The following KDM6B variants were observed in gnomAD, a reference collection of about 807,000 sequenced individuals.
The protein encoded by KDM6B is lysine demethylase 6B, also known as lysine-specific demethylase 6B.
Under a neutral mutation model 150.4 loss-of-function variants are expected in KDM6B, and 22 were observed. The observed-to-expected ratio is 0.15, with a 90% CI of 0.10 to 0.21. KDM6B has a LOEUF of 0.21. Ranked by LOEUF, KDM6B falls within the 10% of genes least tolerant of loss-of-function variation. The pLI is 1.00. For missense variants in KDM6B, 1,984 were observed against 2,234.3 expected (o/e 0.89, Z 2.26); for synonymous variants, 1,148 against 921.1 (o/e 1.25, Z -4.46).
chr17:7,850,240 CTG>C (rs2078664502), intron 14 of KDM6B, 63 bp downstream of exon 14: 1 of 1,323,742 alleles, frequency 7.6e-7, no homozygotes, highest in Admixed American at 1.9e-5. Flanking sequence ...GTAGGACCCT[CTG>C]AGAAATCCCA....
Position 7,849,536 on chromosome 17 carries a change from G to T in KDM6B, c.3248G>T (p.Gly1083Val), listed in dbSNP as rs138059466. The T allele has an allele frequency of 6.2e-7, 1 of 1,612,730 alleles. No homozygotes were observed. The highest frequency in any genetic ancestry group is 8.5e-7 in the Non-Finnish European group (1 of 1,179,972). ...KAREEAPGPP[G>V]VSRADMLKLR... is the part of the protein sequence containing the mutation. Reference sequence around the variant, plus strand: ...CGGGAGGAAGCCCCAGGGCCACCGGGTGTCAGCCGGGCCGACATGCTGAAG... The same window carrying T: ...CGGGAGGAAGCCCCAGGGCCACCGGTTGTCAGCCGGGCCGACATGCTGAAG... Residue 1083 changes from glycine (G) to valine (V), a missense_variant, in exon 12 of 24, where the codon GGT (glycine) becomes GTT (valine). Physicochemically the swap from Gly to Val is moderately radical, Grantham distance 109. Around this residue, in one of 13 missense-constraint regions of KDM6B, gnomAD observed 1,379 missense variants for 1,275.6 expected, o/e 1.08. Transcript: ENST00000448097.
chr17:7,845,890 G>A lies in KDM6B; in HGVS notation c.156G>A (p.Gly52=), dbSNP rs781704985. ...TCTCCAGATGCTCAGCCAGCATTGG[G>A]CAGCCCCCGCTTCCTGCTCCCCTAC... is the stretch of plus-strand genomic sequence containing the variant. ...LPGGRCSASI[G]QPPLPAPLPP... is the part of the protein sequence containing the mutation. Residue 52 remains glycine, a synonymous_variant, in exon 6 of 24, where the codon GGG becomes GGA. Transcript: ENST00000448097. 16 of 1,613,894 alleles carry A rather than the reference G, an allele frequency of 9.9e-6. No individual in the cohort carries two copies. The highest frequency in any genetic ancestry group is 1.3e-5 in the Non-Finnish European group (15 of 1,179,804).
Position 7,847,036 on chromosome 17 carries a change from C to T in KDM6B, c.909+20C>T. On this transcript the variant is annotated intron_variant, in intron 10 of 23. Coordinates refer to ENST00000448097, the MANE Select transcript of KDM6B (RefSeq NM_001348716.2). ...CGCCAGGTGAGCCCCTGCCTGTTGC[C>T]TTTCACCTCTCACCTACAAGTCCCA... The T allele has an allele frequency of 3.1e-6, 5 of 1,612,108 alleles. No homozygotes were observed. Among genetic ancestry groups the T allele is most frequent in the Non-Finnish European group, 3.4e-6 (4 of 1,178,518 alleles).
Position 7,847,818 on chromosome 17 carries a change from AC to A in KDM6B, c.1537del (p.Arg513AlafsTer69), listed in dbSNP as rs747555402. ...AAGAGCTCTTCTTTGGGACTGAGGGACCCCCCCGCCCTGCCCCACCACCCCT... is the reference window on the plus strand; with the variant it reads ...AAGAGCTCTTCTTTGGGACTGAGGGACCCCCCGCCCTGCCCCACCACCCCT... ...LEELFFGTEG[P>X]PRPAPPPLPH... On this transcript the variant is annotated frameshift_variant, in exon 12 of 24. Coordinates refer to ENST00000448097, the MANE Select transcript of KDM6B (RefSeq NM_001348716.2). LOFTEE classifies it high-confidence loss of function. 1.2e-5 allele frequency: 17 copies of A among 1,416,234 alleles called. No individual in the cohort carries two copies. The highest frequency in any genetic ancestry group is 1.5e-5 in the Non-Finnish European group (16 of 1,060,814). 87.7% of individuals were successfully genotyped at this position (1,416,234 alleles called of 1,614,324 possible). A position where few individuals can be genotyped will look rare whatever the true frequency, so the allele number is the denominator to read the frequency against.
At chr17:7,852,428 A>G in intron 20 of KDM6B, 67 bp from the exon 21 acceptor site, 2 of 1,289,486 alleles carry the variant, frequency 1.6e-6, no homozygotes, top group Non-Finnish European at 2.1e-6. Flanking sequence ...GCAGTGAGGG[A>G]AGGGGCTTGG....
Position 7,853,221 on chromosome 17 carries a change from T to C in KDM6B, c.4749T>C (p.Phe1583=). Reference sequence around the variant, plus strand: ...CCTCCCTGCCCCAGGTGGAGGTGTTTAACATCCTGTTCGTGACAAGTGAGA... The same window carrying C: ...CCTCCCTGCCCCAGGTGGAGGTGTTCAACATCCTGTTCGTGACAAGTGAGA... ...YYCNECDVEV[F]NILFVTSENG... Residue 1583 remains phenylalanine, a synonymous_variant, in exon 23 of 24, where the codon TTT becomes TTC. Transcript: ENST00000448097. 1.2e-6 allele frequency: 2 copies of C among 1,612,926 alleles called. No individual in the cohort carries two copies. Among genetic ancestry groups the C allele is most frequent in the African/African-American group, 1.3e-5 (1 of 75,040 alleles).
chr17:7,849,814 C>T lies in KDM6B; in HGVS notation c.3441-7C>T. 1.2e-6 allele frequency: 2 copies of T among 1,613,022 alleles called. No homozygotes were observed. Among genetic ancestry groups the T allele is most frequent in the Non-Finnish European group, 1.7e-6 (2 of 1,180,024 alleles). On this transcript the variant is annotated splice_region_variant and splice_polypyrimidine_tract_variant and intron_variant, in intron 12 of 23. Coordinates refer to ENST00000448097, the MANE Select transcript of KDM6B (RefSeq NM_001348716.2). ...GTTTCTGTCTTCATTCCACTGTCCT[C>T]CCGCAGGAATGCCAAGGTGAAAGGG...
chr17:7,854,250 C>T lies in KDM6B; in HGVS notation c.*729C>T. The T allele has an allele frequency of 6.5e-6, 1 of 152,734 alleles. No individual in the cohort carries two copies. The allele number at this position is 152,734 out of a possible 1,614,324, so 9.5% of individuals were successfully genotyped here. A position where few individuals can be genotyped will look rare whatever the true frequency, so the allele number is the denominator to read the frequency against. On this transcript the variant is annotated 3_prime_UTR_variant, in exon 24 of 24. Transcript: ENST00000448097. ...CGTCTCCACCCGTCCGCCCGCGGCT[C>T]CAGCCGGGTTCTCATGGTGCTCAAA...
rs559880297 is a variant in KDM6B at position 7,834,334 on chromosome 17, A to AC, written c.-396dup. 2.1e-3 allele frequency among the ~76,000 whole-genome samples: 314 copies of AC among 150,692 alleles called. 1 individual carries two copies. The highest frequency in any genetic ancestry group is 2.6e-3 in the Admixed American group (39 of 15,150). ...ACCTTGGGGAGCCTGAACACCTGGG[A>AC]CCCCCCCCAGAACCAGGTAACGGGG... On this transcript the variant is annotated 5_prime_UTR_variant, in exon 1 of 24. Coordinates refer to ENST00000448097, the MANE Select transcript of KDM6B (RefSeq NM_001348716.2).
In KDM6B at chr17:7,847,168, C is replaced by T. The variant is rs553264011; in HGVS notation, c.973C>T (p.Pro325Ser). ...AGCTCCAGCGTACACCGCGCACCCC[C>T]CTGGCCACCGGCTGGTCCCGGCTGC... ...YPAPAYTAHP[P>S]GHRLVPAAPP... The change falls in exon 11 of 24, where the codon CCT becomes TCT. Residue 325 changes from proline to serine, a missense_variant. Coordinates refer to ENST00000448097, the MANE Select transcript of KDM6B (RefSeq NM_001348716.2). The T allele has an allele frequency of 1.9e-6, 3 of 1,606,312 alleles. No homozygotes were observed. Among genetic ancestry groups the T allele is most frequent in the South Asian group, 2.2e-5 (2 of 91,088 alleles).
Position 7,852,556 on chromosome 17 carries a change from C to T in KDM6B, c.4530C>T (p.Ser1510=), listed in dbSNP as rs375922788. 11 of 1,614,048 alleles carry T rather than the reference C, an allele frequency of 6.8e-6. No homozygotes were observed. The highest frequency in any genetic ancestry group is 2.7e-5 in the African/African-American group (2 of 74,938). The change falls in exon 21 of 24, where the codon TCC becomes TCT. Residue 1510 remains serine, a synonymous_variant. Coordinates refer to ENST00000448097, the MANE Select transcript of KDM6B (RefSeq NM_001348716.2). ...YEWNEVKNVK[S]IVPMIHVSWN... Reference sequence around the variant, plus strand: ...GGAATGAGGTGAAGAACGTCAAATCCATCGTGCCCATGATTCACGTGTCAT... The same window carrying T: ...GGAATGAGGTGAAGAACGTCAAATCTATCGTGCCCATGATTCACGTGTCAT...
rs376883814 is a variant in KDM6B at position 7,849,396 on chromosome 17, C to T, written c.3108C>T (p.Pro1036=). The T allele has an allele frequency of 3.2e-5, 52 of 1,611,096 alleles. No homozygotes were observed. The highest frequency in any genetic ancestry group is 6.7e-5 in the Admixed American group (4 of 59,954). ...TCCAGGGTCGTGAGAAGTCCCGGCC[C>T]GATCTTGGCGGGGCCTCCAAGGCCA... ...EEIQGREKSR[P]DLGGASKAKP... Residue 1036 remains proline, a synonymous_variant, in exon 12 of 24, where the codon CCC becomes CCT. Coordinates refer to ENST00000448097, the MANE Select transcript of KDM6B (RefSeq NM_001348716.2).
At chr17:7,838,799 C>G (rs1279794975) in intron 1 of KDM6B, among the ~76,000 whole-genome samples, 1 of 152,020 alleles carries the variant, frequency 6.6e-6, no homozygotes, top group African/African-American at 2.4e-5. Flanking sequence ...TAGCCTGAAG[C>G]TCCCTTCCCG....
chr17:7,837,423 G>T (rs1292058293), intron 1 of KDM6B, among the ~76,000 whole-genome samples: 2 of 152,210 alleles, frequency 1.3e-5, no homozygotes, highest in African/African-American at 4.8e-5. Flanking sequence ...TGTGTATGCG[G>T]GTGAATCGGT....
In KDM6B at chr17:7,848,655, G is replaced by A; in HGVS notation, c.2367G>A (p.Gln789=). 1 of 1,603,692 alleles carries A rather than the reference G, an allele frequency of 6.2e-7. No homozygotes were observed. Among genetic ancestry groups the A allele is most frequent in the Non-Finnish European group, 8.5e-7 (1 of 1,175,898 alleles). The change falls in exon 12 of 24, where the codon CAG becomes CAA. Residue 789 remains glutamine, a synonymous_variant. Transcript: ENST00000448097. ...TAGCCAAGTTCCCTCCACCCTCTCA[G>A]CCACAGCCACCACCACCCCCACCCC... ...PPLAKFPPPS[Q]PQPPPPPPPS...
Position 7,853,717 on chromosome 17 carries a change from G to T in KDM6B, c.*196G>T, listed in dbSNP as rs1597862783. On this transcript the variant is annotated 3_prime_UTR_variant, in exon 24 of 24. Transcript: ENST00000448097. ...TTTTTAGCAAATATGAGGAAAAAAG[G>T]AAAAAAAATGGGAGACGGGGGAGGG... The T allele has an allele frequency of 2.3e-5, 8 of 348,254 alleles. No individual in the cohort carries two copies. The highest frequency in any genetic ancestry group is 9.7e-5 in the East Asian group (2 of 20,518). The allele number at this position is 348,254 out of a possible 1,614,324, so 21.6% of individuals were successfully genotyped here.
rs2078645416 is a variant in KDM6B, at chr17:7,849,447, A to C, written c.3159A>C (p.Pro1053=). 1 of 1,612,498 alleles carries C rather than the reference A, an allele frequency of 6.2e-7. No individual in the cohort carries two copies. Among genetic ancestry groups the C allele is most frequent in the Non-Finnish European group, 8.5e-7 (1 of 1,179,814 alleles). Residue 1053 remains proline, a synonymous_variant, in exon 12 of 24, where the codon CCA becomes CCC. Coordinates refer to ENST00000448097, the MANE Select transcript of KDM6B (RefSeq NM_001348716.2). ...AGCCACCCACAGCTCCAGCCCCTCCATCAGCTCCTGCACCTTCTGCCCAGC... is the reference window on the plus strand; with the variant it reads ...AGCCACCCACAGCTCCAGCCCCTCCCTCAGCTCCTGCACCTTCTGCCCAGC... ...KAKPPTAPAP[P]SAPAPSAQPT...
In KDM6B at chr17:7,843,607, T is replaced by G. The variant is rs1321454437; in HGVS notation, c.-268-1294T>G. 6.6e-6 allele frequency among the ~76,000 whole-genome samples: 1 copy of G among 152,174 alleles called. No homozygotes were observed. Among genetic ancestry groups the G allele is most frequent in the Non-Finnish European group, 1.5e-5 (1 of 68,012 alleles). Reference sequence around the variant, plus strand: ...CAGACTTCTCTCAACGAACGCGAACTTTCCAGCCACCCCCAGCCCCTCGTC... The same window carrying G: ...CAGACTTCTCTCAACGAACGCGAACGTTCCAGCCACCCCCAGCCCCTCGTC... On this transcript the variant is annotated intron_variant, in intron 2 of 23. Transcript: ENST00000448097. The surrounding 1 kb of genome is among the most constrained non-coding windows in gnomAD (Gnocchi z 4.5).
At chr17:7,841,795 G>A (rs909018174) in intron 2 of KDM6B, among the ~76,000 whole-genome samples, 26 of 152,192 alleles carry the variant, frequency 1.7e-4, no homozygotes, top group African/African-American at 6.0e-4. Context: ...GCGGGGAGGG[G>A]CCGGCAGCCG....
Sources: gnomAD v4.1 joint callset for allele counts (sites outside exome capture counted in the v4.1 genomes callset) on GRCh38, gnomAD v4.1.1 for gene constraint, gnomAD v4.1.1 regional missense constraint, Gnocchi (gnomAD v3.1) non-coding constraint, MANE v1.5 for transcripts, NCBI Gene and HGNC (gene_info 2026-07-23, HGNC 2026-07-21) for gene names.